Variants in ABCA12 observed in about 807,000 individuals in gnomAD.
ABCA12 encodes glucosylceramide transporter ABCA12.
ABCA12 carries 156 observed loss-of-function variants against 293.5 expected under a neutral mutation model. The ratio of observed to expected loss-of-function variants is 0.53; its 90% CI spans 0.47 to 0.61. The LOEUF is 0.61. ABCA12 is among the 20% of genes least tolerant of loss of function. The probability of loss-of-function intolerance (pLI) is 0.00; values close to 1 mark genes in which losing one functional copy is unlikely to be tolerated. For missense variants in ABCA12, 2,797 were observed against 3,090.2 expected (o/e 0.91, Z 2.25); for synonymous variants, 1,063 against 1,108.0 (o/e 0.96, Z 0.81).
intron 39 of ABCA12, among the ~76,000 whole-genome samples, chr2:214,965,621 CA>C (rs1236527684): frequency 6.6e-5 from 10 of 151,906 alleles, no homozygotes; most frequent in Admixed American, 6.6e-4. Flanking sequence ...CCAATAAACA[CA>C]TGAAAAAAAG....
chr2:215,108,352 A>G (rs1460221886), intron 2 of ABCA12, among the ~76,000 whole-genome samples: 1 of 152,204 alleles, frequency 6.6e-6, no homozygotes, highest in East Asian at 1.9e-4. Flanking sequence ...TTCCAATCCT[A>G]GTTTCTAATT....
chr2:215,018,929 C>T (rs1700564027), intron 13 of ABCA12, among the ~76,000 whole-genome samples: 2 of 152,168 alleles, frequency 1.3e-5, no homozygotes. Flanking sequence ...GCTTGGAATA[C>T]TAATAGAAAG....
At chr2:215,036,812 G>C (rs191062892) in intron 8 of ABCA12, 141 bp downstream of exon 8, 775 of 752,848 alleles carry the variant, frequency 1.0e-3, no homozygotes, top group Admixed American at 1.6e-3. Flanking sequence ...TGATTAACTC[G>C]AGATCCAGAT....
intron 1 of ABCA12, among the ~76,000 whole-genome samples, chr2:215,112,371 T>C (rs1702590684): frequency 1.4e-5 from 2 of 146,536 alleles, no homozygotes; most frequent in African/African-American, 5.2e-5. Flanking sequence ...CCAAATAAAC[T>C]GGACGTTCAT....
At position 215,011,642 on chromosome 2, in the gene ABCA12, T is replaced by C. The variant is rs757740804; in HGVS notation, c.2129A>G (p.Tyr710Cys). The change falls in exon 17 of 53, where the codon TAC (tyrosine) becomes TGC (cysteine). Residue 710 changes from tyrosine (Y) to cysteine (C), a missense_variant. Tyr to Cys is a radical substitution (Grantham distance 194). Transcript: ENST00000272895. ...PRSVPLTQAMYRSNRMNTPQG... is the reference protein window; with the variant it reads ...PRSVPLTQAMCRSNRMNTPQG... ...TGGTGTGTTCATTCGGTTGCTTCTGTACATTGCCTGTGAGACAAAAATCCA... is the reference window on the plus strand; with the variant it reads ...TGGTGTGTTCATTCGGTTGCTTCTGCACATTGCCTGTGAGACAAAAATCCA... 6.8e-6 allele frequency: 11 copies of C among 1,613,926 alleles called. No individual in the cohort carries two copies. Among genetic ancestry groups the C allele is most frequent in the Non-Finnish European group, 9.3e-6 (11 of 1,179,922 alleles).
At chr2:214,968,523 T>C (rs1358934246) in intron 38 of ABCA12, among the ~76,000 whole-genome samples, 197 bp downstream of exon 38, 1 of 152,128 alleles carries the variant, frequency 6.6e-6, no homozygotes, top group South Asian at 2.1e-4. Flanking sequence ...GTATACACAT[T>C]TGTACGTGTG....
intron 1 of ABCA12, among the ~76,000 whole-genome samples, chr2:215,130,012 C>T (rs1026153088): frequency 6.6e-6 from 1 of 151,980 alleles, no homozygotes; most frequent in Non-Finnish European, 1.5e-5. Flanking sequence ...TTTTTGTTAG[C>T]CTTATTGAAG....
At chr2:214,969,433 C>T (rs1192963667) in intron 37 of ABCA12, among the ~76,000 whole-genome samples, 1 of 152,054 alleles carries the variant, frequency 6.6e-6, no homozygotes, top group Non-Finnish European at 1.5e-5. Context: ...AATAATGGTG[C>T]AGTCACACTA....
At chr2:214,973,177 A>G (rs1451934775) in intron 36 of ABCA12, among the ~76,000 whole-genome samples, 1 of 151,980 alleles carries the variant, frequency 6.6e-6, no homozygotes, top group Non-Finnish European at 1.5e-5. Flanking sequence ...TTGGGTCCCA[A>G]CTCTTATTGT....
At chr2:214,936,623 A>G (rs1456435362) in intron 51 of ABCA12, among the ~76,000 whole-genome samples, 1 of 152,222 alleles carries the variant, frequency 6.6e-6, no homozygotes, top group Non-Finnish European at 1.5e-5. Flanking sequence ...ATATATGCAT[A>G]TATCTGTGTG....
intron 15 of ABCA12, among the ~76,000 whole-genome samples, chr2:215,014,875 A>G (rs556322621): frequency 6.6e-6 from 1 of 152,342 alleles, no homozygotes; most frequent in East Asian, 1.9e-4. Flanking sequence ...TTGGGTGAAC[A>G]TAGGTGCTTA....
At chr2:215,118,430 T>A (rs938140117) in intron 1 of ABCA12, among the ~76,000 whole-genome samples, 2 of 151,956 alleles carry the variant, frequency 1.3e-5, no homozygotes, top group African/African-American at 2.4e-5. Flanking sequence ...AAAAAAAGAA[T>A]GATATGATAC....
chr2:215,105,576 A>C (rs2948975), intron 2 of ABCA12, among the ~76,000 whole-genome samples: 40,404 of 150,116 alleles, frequency 0.27, 9,791 homozygotes, highest in African/African-American at 0.65. Flanking sequence ...TTAGGGCTTC[A>C]AGACACACAC....
intron 36 of ABCA12, among the ~76,000 whole-genome samples, chr2:214,972,216 T>A (rs911218757): frequency 6.6e-6 from 1 of 152,192 alleles, no homozygotes; most frequent in African/African-American, 2.4e-5. Context: ...CATCTTTTGA[T>A]GTATATACAG....
At chr2:214,960,481 C>T (rs985736586) in intron 39 of ABCA12, 37 of 152,070 alleles carry the variant, frequency 2.4e-4, no homozygotes, top group African/African-American at 8.9e-4. Flanking sequence ...GTTTTTTATA[C>T]ATATTTTTAG....
chr2:215,138,090 C>T lies in ABCA12; in HGVS notation c.69+50G>A, dbSNP rs1188065522. 5 of 1,526,070 alleles carry T rather than the reference C, an allele frequency of 3.3e-6. No individual in the cohort carries two copies. The Admixed American group carries it at 6.7e-5, about 20-fold the overall frequency. The allele number at this position is 1,526,070 out of a possible 1,614,324, so 94.5% of individuals were successfully genotyped here. A position where few individuals can be genotyped will look rare whatever the true frequency, so the allele number is the denominator to read the frequency against. ...TCATTAAGATCACATTTTAGGATTA[C>T]CTGGCGTATTGCCCCATGACCCATA... On this transcript the variant is annotated intron_variant, in intron 1 of 52. Coordinates refer to ENST00000272895, the MANE Select transcript of ABCA12 (RefSeq NM_173076.3).
At chr2:215,089,734 TTG>T (rs1702103972) in intron 2 of ABCA12, among the ~76,000 whole-genome samples, 1 of 152,210 alleles carries the variant, frequency 6.6e-6, no homozygotes, top group Non-Finnish European at 1.5e-5. Context: ...AAAAAACAAT[TTG>T]TGTCCTTTCT....
chr2:214,979,069 C>T (rs747763405), intron 31 of ABCA12, 29 bp from the exon 32 acceptor site: 2 of 1,590,020 alleles, frequency 1.3e-6, no homozygotes, highest in South Asian at 1.1e-5. Context: ...AATTAAAACA[C>T]TCTCCTCTCT....
intron 1 of ABCA12, among the ~76,000 whole-genome samples, chr2:215,134,342 G>T (rs1246476188): frequency 2.9e-5 from 4 of 137,970 alleles, no homozygotes; most frequent in African/African-American, 1.1e-4. Context: ...ACATATATAT[G>T]TATATGTGTA....
Sources: allele counts gnomAD v4.1 joint callset (sites outside exome capture counted in the v4.1 genomes callset), GRCh38; gene constraint gnomAD v4.1.1; transcripts MANE v1.5; gene names NCBI Gene and HGNC (gene_info 2026-07-23, HGNC 2026-07-21).